Variants in MYO10 observed in about 807,000 individuals in gnomAD.
MYO10 encodes the protein myosin X, also known as unconventional myosin-X.
A neutral mutation model predicts 257.3 loss-of-function variants in MYO10; 133 were observed. That is an observed-to-expected ratio of 0.52 (90% confidence interval 0.45 to 0.60). The LOEUF (loss-of-function observed/expected upper bound fraction) is 0.60. MYO10 is among the 20% of genes least tolerant of loss of function. The pLI, the probability that MYO10 is intolerant of heterozygous loss-of-function variation, is 0.00. For missense variants in MYO10, 2,399 were observed against 2,635.7 expected (o/e 0.91, Z 1.97); for synonymous variants, 1,104 against 1,028.6 (o/e 1.07, Z -1.40).
chr5:16,697,468 A>G (rs904442460), intron 26 of MYO10, among the ~76,000 whole-genome samples: 17 of 152,194 alleles, frequency 1.1e-4, no homozygotes, highest in Non-Finnish European at 2.4e-4. Flanking sequence ...TTGGGAGGCC[A>G]AGGAGGGCAG....
intron 2 of MYO10, among the ~76,000 whole-genome samples, chr5:16,850,309 C>G (rs1312896430): frequency 1.3e-5 from 2 of 152,144 alleles, no homozygotes; most frequent in African/African-American, 2.4e-5. Context: ...GAGTCTCACT[C>G]TGTTGTCAGG....
At chr5:16,806,189 T>A (rs989553714) in intron 3 of MYO10, among the ~76,000 whole-genome samples, 10 of 145,376 alleles carry the variant, frequency 6.9e-5, no homozygotes, top group Non-Finnish European at 1.2e-4. Context: ...TATTACAATT[T>A]AAAAAAAAAA....
At chr5:16,819,202 G>T (rs564858002) in intron 2 of MYO10, among the ~76,000 whole-genome samples, 45 of 152,154 alleles carry the variant, frequency 3.0e-4, no homozygotes, top group Non-Finnish European at 3.2e-4. Flanking sequence ...AATAAAATTG[G>T]TTTTTTTGTT....
chr5:16,733,069 G>A (rs1739649359), intron 19 of MYO10, among the ~76,000 whole-genome samples: 1 of 152,196 alleles, frequency 6.6e-6, no homozygotes, highest in African/African-American at 2.4e-5. Flanking sequence ...GGGAAGTGGA[G>A]GTTGCAGTGA....
At chr5:16,848,170 T>TTCTTTTTTTTTTTTTTTTTTTTTG in intron 2 of MYO10, among the ~76,000 whole-genome samples, 1 of 149,848 alleles carries the variant, frequency 6.7e-6, no homozygotes, top group Admixed American at 6.6e-5. Flanking sequence ...TTTTTTTTTT[T>TTCTTTTTTTTTTTTTTTTTTTTTG]TTTGTGAGAG....
At chr5:16,673,941 TG>T (rs943068826) in intron 35 of MYO10, 52 bp from the exon 36 acceptor site, 3 of 1,540,378 alleles carry the variant, frequency 1.9e-6, no homozygotes, top group Non-Finnish European at 1.8e-6. Context: ...GGCTGGCTGC[TG>T]GGAGGAACTA....
At chr5:16,887,648 A>G (rs1744930905) in intron 1 of MYO10, among the ~76,000 whole-genome samples, 1 of 151,934 alleles carries the variant, frequency 6.6e-6, no homozygotes, top group African/African-American at 2.4e-5. Flanking sequence ...GCACCACCAC[A>G]CTGGGCTAAT....
At chr5:16,844,859 T>C (rs1743581446) in intron 2 of MYO10, among the ~76,000 whole-genome samples, 1 of 151,338 alleles carries the variant, frequency 6.6e-6, no homozygotes, top group Admixed American at 6.6e-5. Context: ...GGGAGGCTGC[T>C]GTCCACCCCT....
At chr5:16,700,449 G>A (rs1350728686) in intron 25 of MYO10, among the ~76,000 whole-genome samples, 1 of 152,242 alleles carries the variant, frequency 6.6e-6, no homozygotes, top group Admixed American at 6.5e-5. Flanking sequence ...GTCCGAGGCA[G>A]GTGGATCACC....
At chr5:16,810,574 G>A (rs1742405839) in intron 3 of MYO10, among the ~76,000 whole-genome samples, 1 of 152,086 alleles carries the variant, frequency 6.6e-6, no homozygotes. Context: ...TGGGAGGATG[G>A]CTTGAGGTCA....
rs778672350 is a variant in MYO10, at chr5:16,670,951, G to T, written c.5458C>A (p.His1820Asn). The T allele has an allele frequency of 6.2e-7, 1 of 1,611,914 alleles. No individual in the cohort carries two copies. The highest frequency in any genetic ancestry group is 8.5e-7 in the Non-Finnish European group (1 of 1,178,208). The change falls in exon 39 of 41, where the codon CAT becomes AAT. Residue 1820 changes from histidine (H) to asparagine (N), a missense_variant. By Grantham distance (68) the His-to-Asn change is moderately conservative. Coordinates refer to ENST00000513610, the MANE Select transcript of MYO10 (RefSeq NM_012334.3). ...QAHEAVIHGH[H>N]PAPEENLQVL... ...TGGAGGTTTTCTTCCGGGGCTGGAT[G>T]GTGGCCATGGATAACCGCTTCGTGG...
At chr5:16,912,493 C>A (rs188399134) in intron 1 of MYO10, among the ~76,000 whole-genome samples, 3 of 152,120 alleles carry the variant, frequency 2.0e-5, no homozygotes, top group African/African-American at 2.4e-5. Flanking sequence ...GGTCTCAATA[C>A]TGGTTTTGAA....
At chr5:16,709,094 A>G (rs1349204596) in intron 21 of MYO10, among the ~76,000 whole-genome samples, 1 of 152,224 alleles carries the variant, frequency 6.6e-6, no homozygotes, top group Non-Finnish European at 1.5e-5. Context: ...CAGCAAGACA[A>G]CAGGACAGCA....
chr5:16,868,863 C>T (rs1258594433), intron 2 of MYO10, among the ~76,000 whole-genome samples: 3 of 152,114 alleles, frequency 2.0e-5, no homozygotes, highest in Non-Finnish European at 4.4e-5. Context: ...TAGTATCAAC[C>T]TATAGTAGTT....
intron 24 of MYO10, 138 bp downstream of exon 24, chr5:16,702,405 G>A: frequency 1.2e-6 from 1 of 808,292 alleles, no homozygotes; most frequent in Non-Finnish European, 2.0e-6. Flanking sequence ...GTCAGAAATT[G>A]GATCATAAAC....
chr5:16,710,778 T>C (rs888455981), intron 21 of MYO10, 130 bp downstream of exon 21: 1 of 748,386 alleles, frequency 1.3e-6, no homozygotes, highest in Non-Finnish European at 2.2e-6. Context: ...ATGGTAGGCA[T>C]GGCAACAGGA....
rs527910551 is a variant in MYO10 at position 16,668,458 on chromosome 5, C to T, written c.5894G>A (p.Gly1965Asp). 1.2e-6 allele frequency: 2 copies of T among 1,608,734 alleles called. No individual in the cohort carries two copies. The highest frequency in any genetic ancestry group is 4.5e-5 in the East Asian group (2 of 44,856). Residue 1965 changes from glycine to aspartate, a missense_variant, in exon 40 of 41, where the codon GGT becomes GAT. By Grantham distance (94) the Gly-to-Asp change is moderately conservative. This residue lies in a region of MYO10 where 1,820 missense variants were observed against 1,939.4 expected (regional missense o/e 0.94). Transcript: ENST00000513610. Reference protein sequence around the residue: ...STLFDVECKEGGFPQELWLGV... With the variant: ...STLFDVECKEDGFPQELWLGV... ...CAACCAGAGTTCCTGAGGGAAGCCACCTTCCTTGCACTGGTGGGCAAGAGT... is the reference window on the plus strand; with the variant it reads ...CAACCAGAGTTCCTGAGGGAAGCCATCTTCCTTGCACTGGTGGGCAAGAGT...
At chr5:16,675,583 C>G (rs1022467097) in intron 34 of MYO10, among the ~76,000 whole-genome samples, 1 of 151,900 alleles carries the variant, frequency 6.6e-6, no homozygotes, top group Non-Finnish European at 1.5e-5. Context: ...ATTAAAAATT[C>G]AAAAATTAGC....
chr5:16,741,785 G>A, intron 19 of MYO10: 1 of 984,420 alleles, frequency 1.0e-6, no homozygotes, highest in Non-Finnish European at 1.2e-6. Context: ...AGCAGAACAA[G>A]AAAGAGAAAA....
Sources: allele counts gnomAD v4.1 joint callset (sites outside exome capture counted in the v4.1 genomes callset), GRCh38; gene constraint gnomAD v4.1.1; regional missense constraint gnomAD v4.1.1; transcripts MANE v1.5; gene names NCBI Gene and HGNC (gene_info 2026-07-23, HGNC 2026-07-21).